Variants in CUX1 observed in about 807,000 individuals in gnomAD.
CUX1 encodes the protein cut like homeobox 1, also known as protein CASP.
CUX1 carries 31 observed loss-of-function variants against 158.8 expected under a neutral mutation model. The observed-to-expected ratio is 0.20, with a 90% CI of 0.15 to 0.26. The LOEUF (loss-of-function observed/expected upper bound fraction) is 0.26, where lower values mean the gene tolerates loss of function less well. Among genes scored for constraint, CUX1 ranks in the 10% least tolerant of loss-of-function variants. The probability of loss-of-function intolerance (pLI) is 1.00; values close to 1 mark genes in which losing one functional copy is unlikely to be tolerated. For missense variants in CUX1, 1,589 were observed against 2,014.6 expected, an observed-to-expected ratio of 0.79 and a Z score of 4.04; for synonymous variants, 879 against 862.1, an observed-to-expected ratio of 1.02 and a Z score of -0.34.
At chr7:102,207,440 T>A (rs569468224) in intron 20 of CUX1, among the ~76,000 whole-genome samples, 7 of 152,224 alleles carry the variant, frequency 4.6e-5, no homozygotes, top group Non-Finnish European at 8.8e-5. Context: ...AGATTTCTTA[T>A]TTGCAGGAAA....
chr7:102,206,267 G>T (rs1432187207), intron 20 of CUX1, among the ~76,000 whole-genome samples: 1 of 152,138 alleles, frequency 6.6e-6, no homozygotes, highest in Non-Finnish European at 1.5e-5. Flanking sequence ...CAACGTGGGG[G>T]TCGAGAGGCT....
intron 20 of CUX1, among the ~76,000 whole-genome samples, chr7:102,214,074 C>G (rs1007348641): frequency 4.0e-5 from 6 of 151,892 alleles, no homozygotes; most frequent in Admixed American, 3.3e-4. Flanking sequence ...GGTGGTTGCA[C>G]TGAGGCGAGA....
At chr7:102,219,168 C>T (rs1554525972) in intron 20 of CUX1, among the ~76,000 whole-genome samples, 1 of 151,482 alleles carries the variant, frequency 6.6e-6, no homozygotes, top group Non-Finnish European at 1.5e-5. Context: ...TTCATCTTAT[C>T]CTATTCTTTC....
chr7:102,027,073 G>A (rs1024633711), intron 2 of CUX1, among the ~76,000 whole-genome samples: 1 of 151,858 alleles, frequency 6.6e-6, no homozygotes, highest in Non-Finnish European at 1.5e-5. Context: ...CTGTATCTCC[G>A]ACTTAACAGT....
intron 2 of CUX1, among the ~76,000 whole-genome samples, chr7:101,997,336 G>T (rs540666239): frequency 2.6e-5 from 4 of 152,172 alleles, no homozygotes; most frequent in African/African-American, 7.2e-5. Context: ...TTTTTTGTTT[G>T]TTTGTTTGTT....
chr7:102,258,684 C>T (rs1054375181), downstream of CUX1, among the ~76,000 whole-genome samples: 5 of 152,178 alleles, frequency 3.3e-5, no homozygotes, highest in African/African-American at 4.8e-5. Context: ...GGCACTTGGG[C>T]GACCAGGACT....
chr7:101,871,732 T>C (rs769041694), intron 1 of CUX1, among the ~76,000 whole-genome samples: 1 of 152,120 alleles, frequency 6.6e-6, no homozygotes, highest in Non-Finnish European at 1.5e-5. Flanking sequence ...GTTGAAAATT[T>C]GTGGGCCGGG....
intron 2 of CUX1, among the ~76,000 whole-genome samples, chr7:101,965,646 G>C (rs1318460175): frequency 6.6e-6 from 1 of 151,950 alleles, no homozygotes; most frequent in Non-Finnish European, 1.5e-5. Context: ...AGGAGATCGA[G>C]ACCATCCTGG....
At chr7:101,966,705 A>G (rs911866940) in intron 2 of CUX1, among the ~76,000 whole-genome samples, 1 of 152,140 alleles carries the variant, frequency 6.6e-6, no homozygotes, top group African/African-American at 2.4e-5. Flanking sequence ...GGTGAGGGCC[A>G]CCTGCAGGGA....
intron 11 of CUX1, among the ~76,000 whole-genome samples, chr7:102,182,160 G>C (rs1440764244): frequency 6.6e-6 from 1 of 152,198 alleles, no homozygotes; most frequent in Admixed American, 6.5e-5. Context: ...CAGCTGTTTG[G>C]AGTTGCAGGT....
At chr7:102,002,401 C>G (rs1487006584) in intron 2 of CUX1, among the ~76,000 whole-genome samples, 1 of 152,162 alleles carries the variant, frequency 6.6e-6, no homozygotes, top group Non-Finnish European at 1.5e-5. Context: ...TTGGTCACTC[C>G]CTTCTTGCGT....
At chr7:102,168,043 A>G (rs111665079) in intron 9 of CUX1, among the ~76,000 whole-genome samples, 9,935 of 151,360 alleles carry the variant, frequency 0.066, 455 homozygotes, top group African/African-American at 0.12. Flanking sequence ...GCACCACTGC[A>G]CTCCAGCCTG....
chr7:102,022,819 A>T (rs1819540598), intron 2 of CUX1, among the ~76,000 whole-genome samples: 1 of 152,210 alleles, frequency 6.6e-6, no homozygotes, highest in Non-Finnish European at 1.5e-5. Context: ...CTTTTTGCCC[A>T]ATAGATGGGA....
At chr7:101,839,841 AGC>A (rs1314639011) in intron 1 of CUX1, among the ~76,000 whole-genome samples, 3 of 152,034 alleles carry the variant, frequency 2.0e-5, no homozygotes, top group African/African-American at 7.3e-5. Flanking sequence ...GGCTCACTTC[AGC>A]CTCTGCCACC....
At chr7:102,021,729 G>A (rs538962277) in intron 2 of CUX1, among the ~76,000 whole-genome samples, 9 of 145,568 alleles carry the variant, frequency 6.2e-5, no homozygotes, top group East Asian at 4.0e-4. Context: ...ACCTAATTTC[G>A]TATTTTTTGT....
chr7:102,111,556 C>T (rs2131072907), intron 6 of CUX1, 142 bp from the exon 7 acceptor site: 1 of 697,792 alleles, frequency 1.4e-6, no homozygotes, highest in Middle Eastern at 3.5e-4. Context: ...GCCCACGGCA[C>T]ACGTGTCGTT....
intron 3 of CUX1, 77 bp downstream of exon 3, chr7:102,028,222 G>C: frequency 6.7e-7 from 1 of 1,500,438 alleles, no homozygotes; most frequent in East Asian, 2.3e-5. Context: ...TTAAAGAAAT[G>C]CTCCGGGCAA....
chr7:102,230,369 C>G (rs1798833646), intron 21 of CUX1, among the ~76,000 whole-genome samples: 1 of 151,554 alleles, frequency 6.6e-6, no homozygotes, highest in African/African-American at 2.4e-5. Context: ...GCTGTAATCC[C>G]TGCTGCTTGG....
chr7:101,943,629 C>T (rs958550284), intron 2 of CUX1, among the ~76,000 whole-genome samples: 3 of 150,690 alleles, frequency 2.0e-5, no homozygotes, highest in African/African-American at 4.9e-5. Context: ...AGGACTCATG[C>T]GGCCACAAGT....
Sources: allele counts gnomAD v4.1 joint callset (sites outside exome capture counted in the v4.1 genomes callset), GRCh38; gene constraint gnomAD v4.1.1; transcripts MANE v1.5; gene names NCBI Gene and HGNC (gene_info 2026-07-23, HGNC 2026-07-21).